The following SCNN1G variants were observed in gnomAD, a reference collection of about 807,000 sequenced individuals.
SCNN1G encodes sodium channel epithelial 1 subunit gamma, also known as epithelial sodium channel subunit gamma.
SCNN1G carries 27 observed loss-of-function variants against 64.6 expected under a neutral mutation model. The ratio of observed to expected loss-of-function variants is 0.42; its 90% CI spans 0.31 to 0.58. The LOEUF is 0.58. Among genes scored for constraint, SCNN1G ranks in the 20% least tolerant of loss-of-function variants. The pLI is 0.18. For synonymous variants in SCNN1G, 330 were observed against 314.2 expected (o/e 1.05, Z -0.53); for missense variants, 743 against 823.4 (o/e 0.90, Z 1.19).
chr16:23,189,048 A>G (rs1220525546), intron 2 of SCNN1G, among the ~76,000 whole-genome samples: 1 of 152,122 alleles, frequency 6.6e-6, no homozygotes, highest in African/African-American at 2.4e-5. Flanking sequence ...TGGCTGGTTT[A>G]TGGGAGGCAC....
chr16:23,188,286 A>T (rs1348025843), intron 2 of SCNN1G, among the ~76,000 whole-genome samples: 5 of 152,208 alleles, frequency 3.3e-5, no homozygotes, highest in Non-Finnish European at 7.3e-5. Context: ...AGGCATGAGG[A>T]TTGCTTGAGG....
chr16:23,186,208 TC>T lies in SCNN1G; in HGVS notation c.-44-19del. 1.9e-6 allele frequency: 3 copies of T among 1,541,384 alleles called. No individual in the cohort carries two copies. The highest frequency in any genetic ancestry group is 2.7e-6 in the Non-Finnish European group (3 of 1,115,036). On this transcript the variant is annotated intron_variant, in intron 1 of 12. Coordinates refer to ENST00000300061, the MANE Select transcript of SCNN1G (RefSeq NM_001039.4). ...GCTAGTGCCTGCCAGCTCACCTGCT[TC>T]TCTTCTTTGCCCCTCCAGCACGCCC...
rs747348920 is a variant in SCNN1G, at chr16:23,216,521, G to C, written c.*1052G>C. 3 of 152,228 alleles carry C rather than the reference G, an allele frequency of 2.0e-5. No homozygotes were observed. The highest frequency in any genetic ancestry group is 2.0e-4 in the Admixed American group (3 of 15,286). The allele number at this position is 152,228 out of a possible 1,614,324, so 9.4% of individuals were successfully genotyped here. A position where few individuals can be genotyped will look rare whatever the true frequency, so the allele number is the denominator to read the frequency against. ...GGTGTTTAAAGCCAACCCAAGAACA[G>C]GGTGTTAGGTACTGTTTTAAGCACC... On this transcript the variant is annotated 3_prime_UTR_variant, in exon 13 of 13. Transcript: ENST00000300061.
At chr16:23,212,602 T>A in intron 8 of SCNN1G, 76 bp from the exon 9 acceptor site, 1 of 1,112,032 alleles carries the variant, frequency 9.0e-7, no homozygotes, top group Non-Finnish European at 1.4e-6. Context: ...TGCGGGGCTG[T>A]CCTTGGTGAC....
intron 1 of SCNN1G, among the ~76,000 whole-genome samples, chr16:23,185,564 T>G (rs1321006543): frequency 6.6e-6 from 1 of 152,220 alleles, no homozygotes; most frequent in African/African-American, 2.4e-5. Context: ...GGCCAATAGT[T>G]GCAGGTTATT....
chr16:23,194,130 A>C (rs747532934), intron 4 of SCNN1G, 41 bp from the exon 5 acceptor site: 14 of 1,370,750 alleles, frequency 1.0e-5, no homozygotes, highest in Non-Finnish European at 1.5e-5. Flanking sequence ...GCTAAGATGC[A>C]TGGGGGAGAT....
chr16:23,212,262 A>G, intron 8 of SCNN1G, 111 bp downstream of exon 8: 1 of 769,566 alleles, frequency 1.3e-6, no homozygotes, highest in Non-Finnish European at 2.3e-6. Context: ...TGAGGGAGGT[A>G]TTGGTTGAGA....
chr16:23,214,962 C>T lies in SCNN1G; in HGVS notation c.1570-127C>T, dbSNP rs1002315104. 8 of 1,228,630 alleles carry T rather than the reference C, an allele frequency of 6.5e-6. No homozygotes were observed. The African/African-American group carries it at 1.2e-4, about 18-fold the overall frequency. 76.1% of individuals were successfully genotyped at this position (1,228,630 alleles called of 1,614,324 possible). A position where few individuals can be genotyped will look rare whatever the true frequency, so the allele number is the denominator to read the frequency against. Reference sequence around the variant, plus strand: ...GAGTAAGAGGAAACAGGAAGGCTGCCTGCTTCTTCCTCCCAGCCTGTGCAG... The same window carrying T: ...GAGTAAGAGGAAACAGGAAGGCTGCTTGCTTCTTCCTCCCAGCCTGTGCAG... On this transcript the variant is annotated intron_variant, in intron 12 of 12. Coordinates refer to ENST00000300061, the MANE Select transcript of SCNN1G (RefSeq NM_001039.4).
intron 11 of SCNN1G, 94 bp from the exon 12 acceptor site, chr16:23,214,618 G>A: frequency 1.0e-6 from 1 of 990,970 alleles, no homozygotes; most frequent in Non-Finnish European, 1.6e-6. Context: ...CCTTGGCCAT[G>A]CTGCCAGCTT....
intron 7 of SCNN1G, among the ~76,000 whole-genome samples, chr16:23,211,684 C>T (rs1227689549): frequency 6.6e-6 from 1 of 152,038 alleles, no homozygotes; most frequent in Non-Finnish European, 1.5e-5. Context: ...TGGTGGTGTG[C>T]ATCTGTAATC....
At chr16:23,197,741 A>G (rs1959819333) in intron 6 of SCNN1G, among the ~76,000 whole-genome samples, 2 of 152,090 alleles carry the variant, frequency 1.3e-5, no homozygotes, top group African/African-American at 4.8e-5. Context: ...TTAGTTGGGT[A>G]TGGTAGTGTG....
intron 7 of SCNN1G, among the ~76,000 whole-genome samples, chr16:23,210,521 C>G (rs1960063213): frequency 6.6e-6 from 1 of 152,244 alleles, no homozygotes; most frequent in Non-Finnish European, 1.5e-5. Flanking sequence ...ACTTCCATCA[C>G]TGTCTCCTGT....
chr16:23,215,052 G>A, intron 12 of SCNN1G, 37 bp from the exon 13 acceptor site: 1 of 1,613,512 alleles, frequency 6.2e-7, no homozygotes, highest in South Asian at 1.1e-5. Flanking sequence ...CTTGGGGGGA[G>A]GTTCCTCTTG....
chr16:23,206,796 C>T (rs1959998690), intron 6 of SCNN1G, among the ~76,000 whole-genome samples: 1 of 152,196 alleles, frequency 6.6e-6, no homozygotes, highest in Admixed American at 6.5e-5. Context: ...CCTATGTGTG[C>T]ACACACATAC....
intron 4 of SCNN1G, among the ~76,000 whole-genome samples, chr16:23,193,653 A>G (rs906972502): frequency 1.3e-5 from 2 of 152,188 alleles, no homozygotes; most frequent in Non-Finnish European, 2.9e-5. Context: ...TATCTCAGAA[A>G]TAAAAATACA....
chr16:23,185,699 T>C (rs1462341352), intron 1 of SCNN1G, among the ~76,000 whole-genome samples: 2 of 152,116 alleles, frequency 1.3e-5, no homozygotes, highest in African/African-American at 4.8e-5. Context: ...AGGAACATGA[T>C]CTAAGGTGGC....
rs751457907 is a variant in SCNN1G, at chr16:23,192,397, G to C, written c.664G>C (p.Gly222Arg). 1.9e-5 allele frequency: 30 copies of C among 1,613,974 alleles called. No homozygotes were observed. Residue 222 changes from glycine (G) to arginine (R), a missense_variant, in exon 4 of 13, where the codon GGA becomes CGA. Transcript: ENST00000300061. ...CTGTGCCACCTACACCTTCAGCTCG[G>C]GAATCAATGCCATTCAGGAGTGGTA... ...SDCATYTFSS[G>R]INAIQEWYKL...
intron 6 of SCNN1G, among the ~76,000 whole-genome samples, chr16:23,205,837 G>A (rs1305922783): frequency 6.6e-6 from 1 of 152,166 alleles, no homozygotes; most frequent in African/African-American, 2.4e-5. Flanking sequence ...CTGAGAAACA[G>A]GGGTATAGCA....
In SCNN1G at chr16:23,214,838, G is replaced by C. The variant is rs758239935; in HGVS notation, c.1569+51G>C. On this transcript the variant is annotated intron_variant, in intron 12 of 12. Coordinates refer to ENST00000300061, the MANE Select transcript of SCNN1G (RefSeq NM_001039.4). ...ACCTGTCCTGGGCCTACAAATGTGA[G>C]CATCTTCCTGGCCTTGGGGAGCAGA... 8.2e-6 allele frequency: 12 copies of C among 1,458,034 alleles called. No individual in the cohort carries two copies. The South Asian group carries it at 1.1e-4, about 14-fold the overall frequency. The allele number at this position is 1,458,034 out of a possible 1,614,324, so 90.3% of individuals were successfully genotyped here.
Sources: gnomAD v4.1 joint callset for allele counts (sites outside exome capture counted in the v4.1 genomes callset) on GRCh38, gnomAD v4.1.1 for gene constraint, MANE v1.5 for transcripts, NCBI Gene and HGNC (gene_info 2026-07-23, HGNC 2026-07-21) for gene names.